DOCK4: variants seen among roughly 807,000 people sequenced by gnomAD.
The protein encoded by DOCK4 is dedicator of cytokinesis 4.
Under a neutral mutation model 268.1 loss-of-function variants are expected in DOCK4, and 97 were observed. The ratio of observed to expected loss-of-function variants is 0.36; its 90% CI spans 0.31 to 0.43. DOCK4 has a LOEUF of 0.43. Ranked by LOEUF, DOCK4 falls within the 20% of genes least tolerant of loss-of-function variation. The pLI is 1.00. For synonymous variants in DOCK4, 954 were observed against 887.2 expected, an observed-to-expected ratio of 1.08 and a Z score of -1.34; for missense variants, 2,145 against 2,455.7, an observed-to-expected ratio of 0.87 and a Z score of 2.67.
chr7:111,809,365 TA>T lies in DOCK4; in HGVS notation c.3042del (p.Phe1014LeufsTer2). ...TCCAACTGCAGACACAACTGGTTTA[TA>T]AAAATGACTGCGAGGTAAAAGTAGG... ...WDSYFYLAVI[F>X]INQLCLQLEM... On this transcript the variant is annotated frameshift_variant, in exon 29 of 53. Coordinates refer to ENST00000428084, the MANE Select transcript of DOCK4 (RefSeq NM_001363540.2). LOFTEE classifies it high-confidence loss of function. The T allele has an allele frequency of 6.4e-7, 1 of 1,566,744 alleles. No homozygotes were observed. The highest frequency in any genetic ancestry group is 8.7e-7 in the Non-Finnish European group (1 of 1,153,924).
chr7:112,006,020 G>T (rs938773087), intron 1 of DOCK4, among the ~76,000 whole-genome samples: 1 of 152,014 alleles, frequency 6.6e-6, no homozygotes, highest in South Asian at 2.1e-4. Flanking sequence ...TGTCACACTC[G>T]CCAGCCTTCT....
At chr7:111,933,213 C>CGT (rs1794376067) in intron 12 of DOCK4, among the ~76,000 whole-genome samples, 1 of 140,850 alleles carries the variant, frequency 7.1e-6, no homozygotes, top group African/African-American at 2.6e-5. Context: ...CGTATATACA[C>CGT]ATATATACGT....
intron 16 of DOCK4, among the ~76,000 whole-genome samples, chr7:111,885,075 A>G (rs1360654324): frequency 6.6e-6 from 1 of 152,222 alleles, no homozygotes; most frequent in African/African-American, 2.4e-5. Flanking sequence ...TGAAAGGCTA[A>G]GAGTCAATGA....
At chr7:111,828,938 A>G (rs1802607221) in intron 26 of DOCK4, among the ~76,000 whole-genome samples, 1 of 151,160 alleles carries the variant, frequency 6.6e-6, no homozygotes, top group African/African-American at 2.4e-5. Flanking sequence ...ATCATCTACA[A>G]GGTTACACCT....
At chr7:112,079,067 C>T (rs1808351007) in intron 1 of DOCK4, among the ~76,000 whole-genome samples, 1 of 152,154 alleles carries the variant, frequency 6.6e-6, no homozygotes, top group Admixed American at 6.5e-5. Flanking sequence ...GCAAAGATTG[C>T]AGTGAGCTGA....
chr7:111,762,379 T>C (rs115697699), intron 39 of DOCK4, among the ~76,000 whole-genome samples: 2,499 of 152,314 alleles, frequency 0.016, 61 homozygotes, highest in African/African-American at 0.056. Flanking sequence ...TTCCTATTTT[T>C]CTCTTCCTCC....
At position 112,187,643 on chromosome 7, in the gene DOCK4, G is replaced by A. The variant is rs550235527; in HGVS notation, c.37+18459C>T. Among the ~76,000 whole-genome samples the A allele has an allele frequency of 1.2e-4, 18 of 152,206 alleles. No individual in the cohort carries two copies. The East Asian group carries it at 3.3e-3, about 28-fold the overall frequency. On this transcript the variant is annotated intron_variant, in intron 1 of 52. Coordinates refer to ENST00000428084, the MANE Select transcript of DOCK4 (RefSeq NM_001363540.2). ...GCTCAGAAGCCACCACTTCTCAGGT[G>A]GAAAATAAGAATGTCATGCCATGAT...
intron 1 of DOCK4, among the ~76,000 whole-genome samples, chr7:112,026,119 C>G (rs973615619): frequency 2.0e-5 from 3 of 152,240 alleles, no homozygotes; most frequent in Non-Finnish European, 4.4e-5. Flanking sequence ...CACTTGCACA[C>G]CTGTGCCCTA....
At chr7:111,737,063 T>A in intron 49 of DOCK4, 74 bp from the exon 50 acceptor site, 2 of 1,310,112 alleles carry the variant, frequency 1.5e-6, no homozygotes, top group Non-Finnish European at 2.1e-6. Flanking sequence ...ATGAGACGAT[T>A]ATCTCCTCAG....
At chr7:111,932,851 A>G (rs1349350098) in intron 12 of DOCK4, among the ~76,000 whole-genome samples, 1 of 152,044 alleles carries the variant, frequency 6.6e-6, no homozygotes, top group Non-Finnish European at 1.5e-5. Flanking sequence ...TGAATTGGAC[A>G]GCACAGGTCT....
intron 1 of DOCK4, among the ~76,000 whole-genome samples, chr7:112,039,472 G>A (rs976653755): frequency 5.4e-5 from 8 of 146,972 alleles, no homozygotes; most frequent in Admixed American, 2.7e-4. Flanking sequence ...CTGTTTTTTT[G>A]TTGTTGCTGT....
chr7:112,000,182 T>A (rs377292760), intron 3 of DOCK4, among the ~76,000 whole-genome samples: 1 of 152,168 alleles, frequency 6.6e-6, no homozygotes, highest in Non-Finnish European at 1.5e-5. Flanking sequence ...TTTTGGCATA[T>A]GTATTTCCCC....
intron 1 of DOCK4, among the ~76,000 whole-genome samples, chr7:112,025,921 A>T (rs899206176): frequency 2.0e-5 from 3 of 152,172 alleles, no homozygotes; most frequent in African/African-American, 7.2e-5. Context: ...ACAAGCATAC[A>T]GCCAACTCCC....
chr7:111,824,737 G>A (rs1802265938), intron 26 of DOCK4, among the ~76,000 whole-genome samples: 1 of 152,202 alleles, frequency 6.6e-6, no homozygotes. Flanking sequence ...TATTGCAGGT[G>A]AAGGAGTTGG....
rs546092987 is a variant in DOCK4, at chr7:112,205,985, G to T, written c.37+117C>A. The T allele has an allele frequency of 3.4e-5, 40 of 1,170,204 alleles. No individual in the cohort carries two copies. The East Asian group carries it at 9.5e-4, about 28-fold the overall frequency. The allele number at this position is 1,170,204 out of a possible 1,614,324, so 72.5% of individuals were successfully genotyped here. ...CGGCAAAGCCCCGTACCAGCTGCGCGATGCCAGGATTAGGCATTTTCAACC... is the reference window on the plus strand; with the variant it reads ...CGGCAAAGCCCCGTACCAGCTGCGCTATGCCAGGATTAGGCATTTTCAACC... On this transcript the variant is annotated intron_variant, in intron 1 of 52. Transcript: ENST00000428084.
At chr7:112,089,977 C>G (rs2135754408) in intron 1 of DOCK4, among the ~76,000 whole-genome samples, 1 of 152,268 alleles carries the variant, frequency 6.6e-6, no homozygotes, top group African/African-American at 2.4e-5. Flanking sequence ...AAGCTGGCAT[C>G]AGTTTTTGCT....
chr7:111,930,681 C>T (rs1359224862), intron 12 of DOCK4, among the ~76,000 whole-genome samples: 1 of 152,122 alleles, frequency 6.6e-6, no homozygotes, highest in Non-Finnish European at 1.5e-5. Context: ...CATTAGGCAC[C>T]CTAATTTCCC....
chr7:111,941,848 G>T (rs1282897622), intron 10 of DOCK4, among the ~76,000 whole-genome samples: 4 of 152,194 alleles, frequency 2.6e-5, no homozygotes, highest in Non-Finnish European at 5.9e-5. Flanking sequence ...GATGGGAGAA[G>T]TGTAGCTCTC....
chr7:111,926,720 G>A (rs531389477), intron 12 of DOCK4, among the ~76,000 whole-genome samples: 4 of 151,352 alleles, frequency 2.6e-5, no homozygotes, highest in African/African-American at 9.7e-5. Flanking sequence ...TGTAGTTCCA[G>A]CTATTCAGGA....
Sources: allele counts gnomAD v4.1 joint callset (sites outside exome capture counted in the v4.1 genomes callset), GRCh38; gene constraint gnomAD v4.1.1; transcripts MANE v1.5; gene names NCBI Gene and HGNC (gene_info 2026-07-23, HGNC 2026-07-21).